ATXN2: variants seen among roughly 807,000 people sequenced by gnomAD.
ATXN2 encodes ataxin 2.
Under a neutral mutation model 138.6 loss-of-function variants are expected in ATXN2, and 37 were observed. The ratio of observed to expected loss-of-function variants is 0.27; its 90% CI spans 0.21 to 0.35. The LOEUF is 0.35. Among genes scored for constraint, ATXN2 ranks in the 10% least tolerant of loss-of-function variants. The pLI, the probability that ATXN2 is intolerant of heterozygous loss-of-function variation, is 1.00. For synonymous variants in ATXN2, 549 were observed against 543.7 expected, an observed-to-expected ratio of 1.01 and a Z score of -0.13; for missense variants, 1,216 against 1,480.3, an observed-to-expected ratio of 0.82 and a Z score of 2.93.
intron 1 of ATXN2, among the ~76,000 whole-genome samples, chr12:111,560,687 C>T (rs992522583): frequency 6.6e-6 from 1 of 151,948 alleles, no homozygotes; most frequent in African/African-American, 2.4e-5. Flanking sequence ...TAACAACCAC[C>T]ACCCCCAACC....
chr12:111,597,992 G>A lies in ATXN2; in HGVS notation c.251+792C>T, dbSNP rs547877335. On this transcript the variant is annotated intron_variant, in intron 1 of 24. Transcript: ENST00000673436. ...CGGCCACCACCCGCGCGCCGGAGAG[G>A]TCTGGCGGGGGAAGGAGGAAGGCCG... 4.1e-4 allele frequency: 494 copies of A among 1,204,984 alleles called. No individual in the cohort carries two copies. The East Asian group carries it at 4.3e-3, about 10-fold the overall frequency. The allele number at this position is 1,204,984 out of a possible 1,614,324, so 74.6% of individuals were successfully genotyped here. A position where few individuals can be genotyped will look rare whatever the true frequency, so the allele number is the denominator to read the frequency against.
At chr12:111,510,774 A>G (rs1358381070) in intron 11 of ATXN2, 192 bp from the exon 12 acceptor site, 1 of 440,718 alleles carries the variant, frequency 2.3e-6, no homozygotes, top group African/African-American at 2.0e-5. Context: ...TATATGAAGA[A>G]CAGCAGCAAT....
In ATXN2 at chr12:111,509,957, C is replaced by A; in HGVS notation, c.1798G>T (p.Ala600Ser). ...RLQDQRQNSP[A>S]GNKENIKPNE... is the part of the protein sequence containing the mutation. Reference sequence around the variant, plus strand: ...GGTTTAATATTTTCTTTATTCCCTGCAGGAGAGTTCTGCCTCTGATCTTGA... The same window carrying A: ...GGTTTAATATTTTCTTTATTCCCTGAAGGAGAGTTCTGCCTCTGATCTTGA... The change falls in exon 13 of 25, where the codon GCA becomes TCA. Residue 600 changes from alanine (A) to serine (S), a missense_variant. Transcript: ENST00000673436. The A allele has an allele frequency of 1.2e-6, 2 of 1,612,866 alleles. No individual in the cohort carries two copies. The highest frequency in any genetic ancestry group is 1.1e-5 in the South Asian group (1 of 90,790).
At chr12:111,585,334 A>G (rs945488241) in intron 1 of ATXN2, among the ~76,000 whole-genome samples, 5 of 147,998 alleles carry the variant, frequency 3.4e-5, no homozygotes, top group South Asian at 2.2e-4. Context: ...CCAATATGGC[A>G]AAACCCCATC....
chr12:111,598,010 G>C lies in ATXN2; in HGVS notation c.251+774C>G, dbSNP rs1187185753. ...CGGAGAGGTCTGGCGGGGGAAGGAG[G>C]AAGGCCGGGACGGGGCCGGGCACTC... On this transcript the variant is annotated intron_variant, in intron 1 of 24. Coordinates refer to ENST00000673436, the MANE Select transcript of ATXN2 (RefSeq NM_001372574.1). This position sits in a 1 kb window ranked among gnomAD's most constrained non-coding sequence, Gnocchi z 4.5. The C allele has an allele frequency of 1.7e-6, 2 of 1,196,172 alleles. No homozygotes were observed. Among genetic ancestry groups the C allele is most frequent in the East Asian group, 1.2e-4 (2 of 17,098 alleles). 74.1% of individuals were successfully genotyped at this position (1,196,172 alleles called of 1,614,324 possible).
chr12:111,598,949 G>GGCTGCT lies in ATXN2; in HGVS notation c.80_85dup (p.Gln27_Gln28dup), dbSNP rs10560189. 3.7e-5 allele frequency: 52 copies of GGCTGCT among 1,411,972 alleles called. No individual in the cohort carries two copies. Among genetic ancestry groups the GGCTGCT allele is most frequent in the South Asian group, 1.7e-4 (13 of 75,412 alleles). The allele number at this position is 1,411,972 out of a possible 1,614,324, so 87.5% of individuals were successfully genotyped here. On this transcript the variant is annotated inframe_insertion, in exon 1 of 25. Coordinates refer to ENST00000673436, the MANE Select transcript of ATXN2 (RefSeq NM_001372574.1). This position sits in a 1 kb window ranked among gnomAD's most constrained non-coding sequence, Gnocchi z 4.5. The stretch of plus-strand genomic sequence containing the variant: ...GCGGACATTGGCAGCCGCGGGCGGC[G>GGCTGCT]GCTGCTGCTGCTGCTGCTGCTGCTG...
At chr12:111,564,321 GA>G (rs1003225817) in intron 1 of ATXN2, among the ~76,000 whole-genome samples, 3 of 150,000 alleles carry the variant, frequency 2.0e-5, no homozygotes, top group Non-Finnish European at 3.0e-5. Flanking sequence ...ACAAGGGAAA[GA>G]AAAAAAAAGA....
rs1450708536 is a variant in ATXN2 at position 111,510,116 on chromosome 12, G to A, written c.1757-118C>T. 4.9e-6 allele frequency: 4 copies of A among 810,424 alleles called. No individual in the cohort carries two copies. In the African/African-American group the frequency reaches 7.0e-5, roughly 14 times the overall value. 50.2% of individuals were successfully genotyped at this position (810,424 alleles called of 1,614,324 possible). On this transcript the variant is annotated intron_variant, in intron 12 of 24. Coordinates refer to ENST00000673436, the MANE Select transcript of ATXN2 (RefSeq NM_001372574.1). ...AAAATAATGCTTTCATTTAAACAGA[G>A]GCTTTTTTTCCTTTGCAGATGTCAT...
chr12:111,580,351 A>G (rs1883925458), intron 1 of ATXN2, among the ~76,000 whole-genome samples: 1 of 151,732 alleles, frequency 6.6e-6, no homozygotes, highest in Non-Finnish European at 1.5e-5. Context: ...TTAGCCGGAC[A>G]TGGTGGTACA....
In ATXN2 at chr12:111,488,703, C is replaced by G. The variant is rs950120113; in HGVS notation, c.2013G>C (p.Leu671Phe). The change falls in exon 15 of 25, where the codon TTG becomes TTC. Residue 671 changes from leucine to phenylalanine, a missense_variant. Transcript: ENST00000673436. The stretch of plus-strand genomic sequence containing the variant: ...CACTTGGTTCAATTTTGTCTTTGAT[C>G]AAATCTCTTGATTTTTCTCCCTCTC... ...KNREGEKSRDLIKDKIEPSAK... is the reference protein window; with the variant it reads ...KNREGEKSRDFIKDKIEPSAK... The G allele has an allele frequency of 6.2e-7, 1 of 1,611,902 alleles. No individual in the cohort carries two copies. Among genetic ancestry groups the G allele is most frequent in the Non-Finnish European group, 8.5e-7 (1 of 1,178,652 alleles).
chr12:111,528,296 G>A (rs1167514040), intron 5 of ATXN2, among the ~76,000 whole-genome samples: 1 of 152,070 alleles, frequency 6.6e-6, no homozygotes, highest in African/African-American at 2.4e-5. Flanking sequence ...AAAATATTTA[G>A]AAAGTCTTGA....
At chr12:111,586,759 G>C (rs1218559669) in intron 1 of ATXN2, among the ~76,000 whole-genome samples, 1 of 151,572 alleles carries the variant, frequency 6.6e-6, no homozygotes, top group African/African-American at 2.4e-5. Flanking sequence ...GACCTCAAGT[G>C]ATCCACCCTC....
chr12:111,480,509 T>C (rs1486046651), intron 18 of ATXN2, among the ~76,000 whole-genome samples: 1 of 152,056 alleles, frequency 6.6e-6, no homozygotes, highest in African/African-American at 2.4e-5. Context: ...ACCCCGTCTC[T>C]ACTAAAAATA....
chr12:111,554,248 G>A, intron 2 of ATXN2, 31 bp from the exon 3 acceptor site: 53 of 1,251,378 alleles, frequency 4.2e-5, no homozygotes, highest in Middle Eastern at 2.4e-4. Flanking sequence ...AAAACTATTA[G>A]AAATTAGTAC....
chr12:111,508,441 C>CTTTTTT (rs66643315), intron 14 of ATXN2, among the ~76,000 whole-genome samples: 58 of 85,642 alleles, frequency 6.8e-4, no homozygotes, highest in East Asian at 2.3e-3. Context: ...AATTGAAAAA[C>CTTTTTT]TTTTTTTTTT....
intron 5 of ATXN2, among the ~76,000 whole-genome samples, chr12:111,534,993 C>G (rs967991731): frequency 6.6e-6 from 1 of 151,604 alleles, no homozygotes; most frequent in Non-Finnish European, 1.5e-5. Context: ...CTAAAAAAAA[C>G]AAACAAAAAA....
chr12:111,520,932 T>C lies in ATXN2; in HGVS notation c.738A>G (p.Glu246=). ...WDPNDMFRYN[E]ENYGVVSTYD... The stretch of plus-strand genomic sequence containing the variant: ...ACGTAGACACTACACCATAATTTTC[T>C]TCATTATATCGAAACATATCATTGG... The change falls in exon 7 of 25, where the codon GAA becomes GAG. Residue 246 remains glutamate, a synonymous_variant. Transcript: ENST00000673436. 6.3e-7 allele frequency: 1 copy of C among 1,599,958 alleles called. No individual in the cohort carries two copies. The highest frequency in any genetic ancestry group is 8.5e-7 in the Non-Finnish European group (1 of 1,171,216).
chr12:111,597,512 G>A (rs1267644185), intron 1 of ATXN2, among the ~76,000 whole-genome samples: 1 of 152,154 alleles, frequency 6.6e-6, no homozygotes, highest in African/African-American at 2.4e-5. Context: ...CGGCACTCCC[G>A]AAGTTAAGGA....
At chr12:111,479,645 C>A (rs1015663354) in intron 18 of ATXN2, among the ~76,000 whole-genome samples, 1 of 152,110 alleles carries the variant, frequency 6.6e-6, no homozygotes, top group East Asian at 1.9e-4. Context: ...GTCCAACTTG[C>A]GTCCTGGGAC....
Sources: allele counts gnomAD v4.1 joint callset (sites outside exome capture counted in the v4.1 genomes callset), GRCh38; gene constraint gnomAD v4.1.1; non-coding constraint Gnocchi (gnomAD v3.1); transcripts MANE v1.5; gene names NCBI Gene and HGNC (gene_info 2026-07-23, HGNC 2026-07-21).